Variants in MEP1A observed in about 807,000 individuals in gnomAD.
MEP1A encodes meprin A subunit alpha, also known as N-benzoyl-L-tyrosyl-P-amino-benzoic acid hydrolase subunit alpha.
MEP1A carries 68 observed loss-of-function variants against 84.5 expected under a neutral mutation model. The observed-to-expected ratio is 0.80, with a 90% confidence interval of 0.66 to 0.98. The LOEUF (loss-of-function observed/expected upper bound fraction) is 0.98. Ranked by LOEUF, MEP1A falls within the 50% of genes least tolerant of loss-of-function variation. MEP1A has a pLI of 0.00. For missense variants in MEP1A, 887 were observed against 919.9 expected (o/e 0.96, Z 0.46); for synonymous variants, 337 against 336.8 (o/e 1.00, Z -0.01).
chr6:46,820,561 T>C (rs984213698), intron 7 of MEP1A, among the ~76,000 whole-genome samples: 2 of 152,182 alleles, frequency 1.3e-5, no homozygotes, highest in African/African-American at 4.8e-5. Flanking sequence ...TAATTCTGTA[T>C]TTTTTAAGTA....
intron 3 of MEP1A, among the ~76,000 whole-genome samples, chr6:46,797,790 TTCTCTTTCTTTCTTTC>T (rs1767080263): frequency 8.3e-6 from 1 of 120,602 alleles, no homozygotes; most frequent in Non-Finnish European, 1.8e-5. Context: ...CTTTCTTTCT[TTCTCTTTCTTTCTTTC>T]TTTCTTTCTT....
chr6:46,797,931 T>TTCC (rs1767100747), intron 3 of MEP1A, among the ~76,000 whole-genome samples: 1 of 49,602 alleles, frequency 2.0e-5, no homozygotes, highest in Non-Finnish European at 3.9e-5. Context: ...TCCTTCCTTC[T>TTCC]TTCCTTCCTT....
intron 13 of MEP1A, among the ~76,000 whole-genome samples, chr6:46,837,503 C>T (rs7766879): frequency 0.63 from 96,069 of 152,066 alleles, 30,646 homozygotes; most frequent in South Asian, 0.73. Context: ...GTTCCTTTTA[C>T]TGGGGAAGGC....
intron 9 of MEP1A, among the ~76,000 whole-genome samples, chr6:46,828,029 G>T (rs1258961475): frequency 6.6e-6 from 1 of 152,144 alleles, no homozygotes; most frequent in Non-Finnish European, 1.5e-5. Context: ...AGGTGGATGC[G>T]TAGACACAAA....
At chr6:46,835,113 G>A (rs1033450273) in intron 12 of MEP1A, 136 bp from the exon 13 acceptor site, 6 of 748,758 alleles carry the variant, frequency 8.0e-6, no homozygotes, top group Non-Finnish European at 1.1e-5. Flanking sequence ...GAATCAGCTG[G>A]ATTCAAAGCC....
intron 8 of MEP1A, among the ~76,000 whole-genome samples, chr6:46,825,951 T>G (rs1173352900): frequency 1.3e-5 from 2 of 152,220 alleles, no homozygotes; most frequent in African/African-American, 4.8e-5. Flanking sequence ...TAGAGTAATC[T>G]AATCCTCTGG....
chr6:46,820,271 T>G (rs1767736317), intron 7 of MEP1A, among the ~76,000 whole-genome samples: 3 of 152,242 alleles, frequency 2.0e-5, no homozygotes. Flanking sequence ...AATGTTTTTT[T>G]CTTCCTTGTT....
intron 6 of MEP1A, among the ~76,000 whole-genome samples, chr6:46,812,548 G>A (rs184040279): frequency 1.3e-4 from 19 of 151,834 alleles, no homozygotes; most frequent in African/African-American, 4.6e-4. Context: ...AATTCTGTGT[G>A]GTGTAACCTT....
At chr6:46,831,967 G>A (rs1352141620) in intron 10 of MEP1A, among the ~76,000 whole-genome samples, 1 of 152,110 alleles carries the variant, frequency 6.6e-6, no homozygotes, top group Non-Finnish European at 1.5e-5. Context: ...AACCACACAG[G>A]CCATAATCAG....
intron 3 of MEP1A, among the ~76,000 whole-genome samples, chr6:46,795,627 T>TGA (rs1767034262): frequency 6.6e-6 from 1 of 152,132 alleles, no homozygotes; most frequent in African/African-American, 2.4e-5. Context: ...ATACTACAGT[T>TGA]GAGACTTTTC....
intron 10 of MEP1A, 45 bp downstream of exon 10, chr6:46,829,616 G>A (rs1768033661): frequency 7.1e-7 from 1 of 1,410,572 alleles, no homozygotes; most frequent in South Asian, 1.2e-5. Context: ...GTTAAAATCC[G>A]GGATCCTGCT....
chr6:46,796,954 A>T (rs1767061149), intron 3 of MEP1A, among the ~76,000 whole-genome samples: 1 of 152,238 alleles, frequency 6.6e-6, no homozygotes, highest in Non-Finnish European at 1.5e-5. Context: ...TGGGACAGTG[A>T]TGTCATTACT....
chr6:46,822,097 C>A (rs1330067351), intron 7 of MEP1A, among the ~76,000 whole-genome samples: 1 of 152,160 alleles, frequency 6.6e-6, no homozygotes, highest in African/African-American at 2.4e-5. Flanking sequence ...AGGGAAAAAA[C>A]TCAACTTTTG....
intron 5 of MEP1A, among the ~76,000 whole-genome samples, chr6:46,808,694 C>T (rs1399632492): frequency 6.6e-6 from 1 of 151,962 alleles, no homozygotes; most frequent in Admixed American, 6.6e-5. Context: ...GGTCATTGGT[C>T]CCCACAGGTT....
intron 6 of MEP1A, among the ~76,000 whole-genome samples, chr6:46,810,292 T>C (rs1767465453): frequency 6.6e-6 from 1 of 152,158 alleles, no homozygotes; most frequent in South Asian, 2.1e-4. Context: ...TTCACATTCT[T>C]AGCCCAATTT....
At chr6:46,831,417 C>T (rs574133390) in intron 10 of MEP1A, among the ~76,000 whole-genome samples, 87 of 152,250 alleles carry the variant, frequency 5.7e-4, no homozygotes, top group African/African-American at 1.9e-3. Flanking sequence ...CACACACACA[C>T]GTTTTTACTG....
chr6:46,796,198 C>T (rs139925516), intron 3 of MEP1A, among the ~76,000 whole-genome samples: 92 of 152,310 alleles, frequency 6.0e-4, no homozygotes, highest in African/African-American at 2.0e-3. Flanking sequence ...AGAAATCCAA[C>T]GGTGGGGGCT....
chr6:46,828,559 T>G (rs747258456), intron 9 of MEP1A, among the ~76,000 whole-genome samples: 1 of 152,230 alleles, frequency 6.6e-6, no homozygotes, highest in African/African-American at 2.4e-5. Flanking sequence ...GATATGGAGT[T>G]GAGTGTTGGA....
intron 6 of MEP1A, among the ~76,000 whole-genome samples, chr6:46,813,666 G>T (rs1386768623): frequency 6.6e-6 from 1 of 151,974 alleles, no homozygotes; most frequent in African/African-American, 2.4e-5. Flanking sequence ...TATGCTTTAA[G>T]GAGTTCTATT....
Sources: allele counts gnomAD v4.1 joint callset (sites outside exome capture counted in the v4.1 genomes callset), GRCh38; gene constraint gnomAD v4.1.1; transcripts MANE v1.5; gene names NCBI Gene and HGNC (gene_info 2026-07-23, HGNC 2026-07-21).